CLSTN2: variants seen among roughly 807,000 people sequenced by gnomAD.
The protein encoded by CLSTN2 is calsyntenin-2.
A neutral mutation model predicts 101.2 loss-of-function variants in CLSTN2; 48 were observed. That is an observed-to-expected ratio of 0.47 (90% CI 0.38 to 0.60). CLSTN2 has a LOEUF of 0.60. CLSTN2 is among the 20% of genes least tolerant of loss of function. The pLI, the probability that CLSTN2 is intolerant of heterozygous loss-of-function variation, is 0.00. For synonymous variants in CLSTN2, 481 were observed against 463.6 expected, an observed-to-expected ratio of 1.04 and a Z score of -0.48; for missense variants, 1,160 against 1,238.2, an observed-to-expected ratio of 0.94 and a Z score of 0.95.
intron 1 of CLSTN2, among the ~76,000 whole-genome samples, chr3:139,964,206 G>T (rs1006366624): frequency 6.6e-6 from 1 of 152,140 alleles, no homozygotes; most frequent in African/African-American, 2.4e-5. Context: ...ATCAGCAGCC[G>T]TACTCTCCTC....
chr3:140,563,612 A>G (rs564569070), intron 15 of CLSTN2, among the ~76,000 whole-genome samples: 8 of 152,270 alleles, frequency 5.3e-5, no homozygotes, highest in Non-Finnish European at 1.2e-4. Context: ...ATCTGTTTCT[A>G]CTAAACTCTA....
chr3:140,416,598 T>C (rs916257580), intron 4 of CLSTN2, among the ~76,000 whole-genome samples: 9 of 152,244 alleles, frequency 5.9e-5, no homozygotes, highest in Admixed American at 4.6e-4. Flanking sequence ...CGTATGTGTG[T>C]GTCTGTGTGG....
chr3:140,236,820 A>T (rs961559584), intron 2 of CLSTN2, among the ~76,000 whole-genome samples: 2 of 120,758 alleles, frequency 1.7e-5, no homozygotes. Flanking sequence ...ATGTTATGTT[A>T]TATAGTGTGT....
intron 2 of CLSTN2, among the ~76,000 whole-genome samples, chr3:140,196,025 G>T (rs965065320): frequency 2.6e-5 from 4 of 152,200 alleles, no homozygotes. Context: ...AGAAATAGAT[G>T]CGATGATGGG....
rs921223904 is a variant in CLSTN2 at position 140,577,252 on chromosome 3, T to G, written c.*10999T>G. On this transcript the variant is annotated 3_prime_UTR_variant, in exon 17 of 17. Transcript: ENST00000458420. ...AATTATGATTCTTGCAGTTTTCAAG[T>G]AATTTGTTAAATGCCTATTCAACAC... The G allele has an allele frequency of 6.6e-6, 1 of 152,250 alleles. No individual in the cohort carries two copies. Among genetic ancestry groups the G allele is most frequent in the African/African-American group, 2.4e-5 (1 of 41,464 alleles). 9.4% of individuals were successfully genotyped at this position (152,250 alleles called of 1,614,324 possible).
chr3:140,236,824 A>AGTGTGTGTGT (rs548988567), intron 2 of CLSTN2, among the ~76,000 whole-genome samples: 341 of 125,806 alleles, frequency 2.7e-3, no homozygotes, highest in Non-Finnish European at 2.3e-3. Context: ...TATGTTATAT[A>AGTGTGTGTGT]GTGTGTGTGT....
chr3:139,936,099 A>G (rs1055352236), intron 1 of CLSTN2, among the ~76,000 whole-genome samples: 1 of 152,250 alleles, frequency 6.6e-6, no homozygotes, highest in Middle Eastern at 3.4e-3. Flanking sequence ...CTGACTACCG[A>G]GGACCGAGGA....
At position 140,472,904 on chromosome 3, in the gene CLSTN2, C is replaced by G. The variant is rs1003149722; in HGVS notation, c.1344+6173C>G. 2.6e-5 allele frequency among the ~76,000 whole-genome samples: 4 copies of G among 152,294 alleles called. 1 individual carries two copies. The highest frequency in any genetic ancestry group is 3.4e-3 in the Middle Eastern group (1 of 294). ...ATGATATATATGGCTTCCTGACAAG[C>G]CCCAGTCATATTCTAGTCCCTCTCC... On this transcript the variant is annotated intron_variant, in intron 8 of 16. Coordinates refer to ENST00000458420, the MANE Select transcript of CLSTN2 (RefSeq NM_022131.3).
At chr3:140,282,899 G>C (rs2086861590) in intron 2 of CLSTN2, among the ~76,000 whole-genome samples, 1 of 152,148 alleles carries the variant, frequency 6.6e-6, no homozygotes, top group African/African-American at 2.4e-5. Context: ...CTGAGCAAGG[G>C]ACTTTTCCAT....
chr3:140,075,498 T>G (rs533906467), intron 1 of CLSTN2, among the ~76,000 whole-genome samples: 1 of 152,352 alleles, frequency 6.6e-6, no homozygotes, highest in South Asian at 2.1e-4. Flanking sequence ...TGATTTTTCC[T>G]TAAGTTCTAA....
chr3:140,415,170 C>T (rs1251909152), intron 4 of CLSTN2, among the ~76,000 whole-genome samples: 1 of 151,596 alleles, frequency 6.6e-6, no homozygotes, highest in African/African-American at 2.4e-5. Flanking sequence ...TCTGTTACAC[C>T]ATACACAAAA....
chr3:140,220,040 C>T (rs1288487573), intron 2 of CLSTN2, among the ~76,000 whole-genome samples: 1 of 152,154 alleles, frequency 6.6e-6, no homozygotes, highest in Non-Finnish European at 1.5e-5. Flanking sequence ...AATGGCAGAG[C>T]CTGGGTTCAA....
rs62266437 is a variant in CLSTN2, at chr3:140,461,804, C to T, written c.1222+2035C>T. ...ATTCAGCACCCCCAAATTAGCAGCA[C>T]CCCAAGCAGCACCCAGTGTTCAGCT... On this transcript the variant is annotated intron_variant, in intron 7 of 16. Transcript: ENST00000458420. Among the ~76,000 whole-genome samples, 1,253 of 152,162 alleles carry T rather than the reference C, an allele frequency of 8.2e-3. 9 individuals are homozygous for T. Among genetic ancestry groups the T allele is most frequent in the Non-Finnish European group, 0.011 (760 of 68,004 alleles).
At chr3:140,493,320 G>T (rs1367854121) in intron 8 of CLSTN2, among the ~76,000 whole-genome samples, 1 of 152,194 alleles carries the variant, frequency 6.6e-6, no homozygotes, top group East Asian at 1.9e-4. Context: ...GAGGGTTGGG[G>T]CAAGGCTTTG....
intron 1 of CLSTN2, among the ~76,000 whole-genome samples, chr3:140,151,816 G>A (rs888643146): frequency 5.9e-5 from 9 of 152,208 alleles, no homozygotes; most frequent in Non-Finnish European, 8.8e-5. Context: ...CTTGTCCCAA[G>A]ACAATCATGG....
At chr3:140,216,355 G>C (rs546485338) in intron 2 of CLSTN2, among the ~76,000 whole-genome samples, 1 of 152,296 alleles carries the variant, frequency 6.6e-6, no homozygotes, top group South Asian at 2.1e-4. Flanking sequence ...ACTAGTTCAG[G>C]AGGTGAGGAA....
intron 2 of CLSTN2, among the ~76,000 whole-genome samples, chr3:140,367,669 G>A (rs771479194): frequency 3.5e-4 from 54 of 152,176 alleles, no homozygotes; most frequent in Non-Finnish European, 4.4e-4. Flanking sequence ...TTTGAACTGT[G>A]AGGGTTGTGG....
At chr3:139,969,043 G>C (rs901530743) in intron 1 of CLSTN2, among the ~76,000 whole-genome samples, 1 of 140,176 alleles carries the variant, frequency 7.1e-6, no homozygotes, top group Admixed American at 6.9e-5. Context: ...CTAGGACTTG[G>C]TATGTATATG....
At chr3:140,385,406 T>C (rs1388983053) in intron 2 of CLSTN2, among the ~76,000 whole-genome samples, 1 of 135,544 alleles carries the variant, frequency 7.4e-6, no homozygotes, top group Non-Finnish European at 1.5e-5. Context: ...CGTCTCGCTG[T>C]CGCCCAGGCT....
Sources: allele counts gnomAD v4.1 joint callset (sites outside exome capture counted in the v4.1 genomes callset), GRCh38; gene constraint gnomAD v4.1.1; transcripts MANE v1.5; gene names NCBI Gene and HGNC (gene_info 2026-07-23, HGNC 2026-07-21).